Variants in SCGN observed in about 807,000 individuals in gnomAD.
SCGN encodes secretagogin.
SCGN carries 30 observed loss-of-function variants against 39.7 expected under a neutral mutation model. The ratio of observed to expected loss-of-function variants is 0.76; its 90% confidence interval spans 0.57 to 1.03. SCGN has a LOEUF of 1.03. SCGN is among the 50% of genes least tolerant of loss of function. The probability of loss-of-function intolerance (pLI) is 0.00; values close to 1 mark genes in which losing one functional copy is unlikely to be tolerated. For missense variants in SCGN, 353 were observed against 349.4 expected, an observed-to-expected ratio of 1.01 and a Z score of -0.08; for synonymous variants, 106 against 114.1, an observed-to-expected ratio of 0.93 and a Z score of 0.45.
At chr6:25,669,849 A>G (rs1759466968) in intron 5 of SCGN, 150 bp from the exon 6 acceptor site, 1 of 736,390 alleles carries the variant, frequency 1.4e-6, no homozygotes, top group Non-Finnish European at 2.4e-6. Flanking sequence ...AAACAGTGAC[A>G]GCCCTCCATT....
chr6:25,681,245 C>T (rs1408772433), intron 6 of SCGN, among the ~76,000 whole-genome samples: 1 of 152,242 alleles, frequency 6.6e-6, no homozygotes, highest in Non-Finnish European at 1.5e-5. Context: ...GACTCAGTGT[C>T]AACACCTTTT....
At chr6:25,658,431 T>G (rs1023876119) in intron 2 of SCGN, among the ~76,000 whole-genome samples, 1 of 152,112 alleles carries the variant, frequency 6.6e-6, no homozygotes, top group Non-Finnish European at 1.5e-5. Context: ...AGAGTCAGAC[T>G]GTCTAAGTCC....
chr6:25,656,515 C>A (rs1336881580), intron 2 of SCGN, among the ~76,000 whole-genome samples: 4 of 152,326 alleles, frequency 2.6e-5, no homozygotes, highest in African/African-American at 9.6e-5. Flanking sequence ...CCCTGCAAAC[C>A]TTTTCTTTCC....
intron 4 of SCGN, among the ~76,000 whole-genome samples, chr6:25,667,047 G>A (rs889275296): frequency 1.3e-5 from 2 of 151,958 alleles, no homozygotes; most frequent in African/African-American, 4.8e-5. Flanking sequence ...TGATAGAAAT[G>A]AAACACACAG....
chr6:25,675,855 C>A (rs893473249), intron 6 of SCGN, among the ~76,000 whole-genome samples: 1 of 152,226 alleles, frequency 6.6e-6, no homozygotes, highest in South Asian at 2.1e-4. Flanking sequence ...ACTAGTCTCA[C>A]GGTTTTGAAG....
At chr6:25,652,794 T>G (rs1760157613) in intron 1 of SCGN, among the ~76,000 whole-genome samples, 1 of 152,142 alleles carries the variant, frequency 6.6e-6, no homozygotes, top group African/African-American at 2.4e-5. Flanking sequence ...TCATTGTATA[T>G]GTTCAAGGCT....
intron 6 of SCGN, among the ~76,000 whole-genome samples, chr6:25,679,668 T>G (rs1759611339): frequency 6.6e-6 from 1 of 152,144 alleles, no homozygotes; most frequent in Non-Finnish European, 1.5e-5. Flanking sequence ...ATGAACTATA[T>G]AAGCATGAAT....
At chr6:25,698,685 C>T (rs1759868155) in intron 10 of SCGN, among the ~76,000 whole-genome samples, 1 of 152,210 alleles carries the variant, frequency 6.6e-6, no homozygotes, top group African/African-American at 2.4e-5. Context: ...CAGAGAACTA[C>T]AAGAGAACCT....
At chr6:25,691,569 C>T (rs1174941326) in intron 10 of SCGN, among the ~76,000 whole-genome samples, 4 of 151,918 alleles carry the variant, frequency 2.6e-5, no homozygotes, top group African/African-American at 7.3e-5. Context: ...GGTTATTTAT[C>T]GGTTAAGACA....
intron 6 of SCGN, among the ~76,000 whole-genome samples, chr6:25,677,727 G>A (rs1019733049): frequency 2.0e-5 from 3 of 152,116 alleles, no homozygotes; most frequent in Non-Finnish European, 2.9e-5. Flanking sequence ...GTGAATGGTA[G>A]TTACCACTAG....
rs1360759405 is a variant in SCGN, at chr6:25,658,002, CCTTTTTTTTTTTTTTTTTTTTTTTTTTT to C, written c.154-3549_154-3522del. Among the ~76,000 whole-genome samples the C allele has an allele frequency of 2.5e-3, 118 of 47,674 alleles. 17 individuals carry two copies. Among genetic ancestry groups the C allele is most frequent in the Non-Finnish European group, 3.5e-3 (86 of 24,412 alleles). The allele number at this position is 47,674 out of a possible 152,430, so 31.3% of individuals were successfully genotyped here. A position where few individuals can be genotyped will look rare whatever the true frequency, so the allele number is the denominator to read the frequency against. On this transcript the variant is annotated intron_variant, in intron 2 of 10. Transcript: ENST00000377961. ...GGTGTGTGTTCATTTAGAAAGGTATCCTTTTTTTTTTTTTTTTTTTTTTTTTTTTTTTTTTTTTTTTTTTTTTTTTTTT... is the reference window on the plus strand; with the variant it reads ...GGTGTGTGTTCATTTAGAAAGGTATCTTTTTTTTTTTTTTTTTTTTTTTTT...
intron 10 of SCGN, among the ~76,000 whole-genome samples, chr6:25,693,645 A>C (rs1246153412): frequency 7.5e-6 from 1 of 133,262 alleles, no homozygotes; most frequent in Non-Finnish European, 1.7e-5. Flanking sequence ...AAACATCTAA[A>C]AGATAGGTAT....
At position 25,685,635 on chromosome 6, in the gene SCGN, C is replaced by G. The variant is rs143463287; in HGVS notation, c.528-3537C>G. Among the ~76,000 whole-genome samples the G allele has an allele frequency of 5.8e-3, 886 of 151,926 alleles. 12 individuals carry two copies. The highest frequency in any genetic ancestry group is 0.013 in the African/African-American group (541 of 41,424). ...CTAATGTTGAATTTACTGAAACTGACTGTATTCTATTAAAGTATAATTATA... is the reference window on the plus strand; with the variant it reads ...CTAATGTTGAATTTACTGAAACTGAGTGTATTCTATTAAAGTATAATTATA... On this transcript the variant is annotated intron_variant, in intron 7 of 10. Transcript: ENST00000377961.
chr6:25,665,924 G>T (rs551340787), intron 4 of SCGN, among the ~76,000 whole-genome samples: 121 of 152,234 alleles, frequency 7.9e-4, no homozygotes, highest in Middle Eastern at 3.4e-3. Flanking sequence ...TGTCACTGAC[G>T]TTCTGTTGGT....
chr6:25,675,961 T>C (rs1021811875), intron 6 of SCGN, among the ~76,000 whole-genome samples: 2 of 152,198 alleles, frequency 1.3e-5, no homozygotes, highest in African/African-American at 4.8e-5. Context: ...TCCACTTGAA[T>C]TGCATGCCTA....
At chr6:25,683,368 C>T (rs1297043406) in intron 7 of SCGN, among the ~76,000 whole-genome samples, 1 of 152,150 alleles carries the variant, frequency 6.6e-6, no homozygotes, top group Non-Finnish European at 1.5e-5. Flanking sequence ...TCATGGTTCC[C>T]TTCACCAAAA....
chr6:25,674,175 C>T (rs940546043), intron 6 of SCGN, among the ~76,000 whole-genome samples: 5 of 152,188 alleles, frequency 3.3e-5, no homozygotes, highest in African/African-American at 1.2e-4. Context: ...TTAGAGGAGA[C>T]AACATCCAAG....
In SCGN at chr6:25,689,165, T is replaced by C; in HGVS notation, c.528-7T>C. 2 of 1,562,318 alleles carry C rather than the reference T, an allele frequency of 1.3e-6. No homozygotes were observed. Among genetic ancestry groups the C allele is most frequent in the Non-Finnish European group, 1.7e-6 (2 of 1,150,458 alleles). On this transcript the variant is annotated splice_region_variant and splice_polypyrimidine_tract_variant and intron_variant, in intron 7 of 10. Coordinates refer to ENST00000377961, the MANE Select transcript of SCGN (RefSeq NM_006998.4). ...CCTTACGTGGATTTTTTTTTTTTTCTATTTAGGATTCTGGCTCTTCAGGAA... is the reference window on the plus strand; with the variant it reads ...CCTTACGTGGATTTTTTTTTTTTTCCATTTAGGATTCTGGCTCTTCAGGAA...
At chr6:25,667,725 A>G (rs1331817763) in intron 4 of SCGN, among the ~76,000 whole-genome samples, 1 of 152,068 alleles carries the variant, frequency 6.6e-6, no homozygotes, top group Non-Finnish European at 1.5e-5. Context: ...TCTGCTGGTA[A>G]TAAACTCTGC....
Sources: gnomAD v4.1 joint callset for allele counts (sites outside exome capture counted in the v4.1 genomes callset) on GRCh38, gnomAD v4.1.1 for gene constraint, MANE v1.5 for transcripts, NCBI Gene and HGNC (gene_info 2026-07-23, HGNC 2026-07-21) for gene names.